The following AKT3 variants were observed in gnomAD, a reference collection of about 807,000 sequenced individuals.
AKT3 encodes the protein AKT serine/threonine kinase 3.
In AKT3, 15 loss-of-function variants were observed where a neutral mutation model predicts 65.3. The observed-to-expected ratio is 0.23, with a 90% CI of 0.15 to 0.35. The LOEUF (loss-of-function observed/expected upper bound fraction) is 0.35, where lower values mean the gene tolerates loss of function less well. AKT3 is among the 10% of genes least tolerant of loss of function. AKT3 has a pLI of 1.00. For missense variants in AKT3, 243 were observed against 576.5 expected (o/e 0.42, Z 5.92); for synonymous variants, 206 against 183.8 (o/e 1.12, Z -0.98).
chr1:243,505,944 A>G (rs947531493), intron 13 of AKT3, among the ~76,000 whole-genome samples: 3 of 152,262 alleles, frequency 2.0e-5, no homozygotes, highest in Non-Finnish European at 4.4e-5. Context: ...AAACAATGGA[A>G]GAGACTTGAA....
chr1:243,612,764 G>GA (rs1677963594), intron 8 of AKT3: 1 of 151,994 alleles, frequency 6.6e-6, no homozygotes, highest in Non-Finnish European at 1.5e-5. Context: ...TGGTAGGCCC[G>GA]GCGTGGTGGC....
chr1:243,782,903 T>C (rs1291817105), intron 2 of AKT3, among the ~76,000 whole-genome samples: 2 of 152,196 alleles, frequency 1.3e-5, no homozygotes, highest in Non-Finnish European at 2.9e-5. Context: ...AGATGGCTTC[T>C]AATGATCCTC....
intron 8 of AKT3, among the ~76,000 whole-genome samples, chr1:243,582,638 T>C (rs1015705793): frequency 1.3e-5 from 2 of 151,988 alleles, no homozygotes; most frequent in African/African-American, 4.8e-5. Context: ...GAAAAATAAA[T>C]GCTACCACAA....
Position 243,567,977 on chromosome 1 carries a change from G to C in AKT3, c.820-4129C>G, listed in dbSNP as rs143862579. 9.1e-4 allele frequency among the ~76,000 whole-genome samples: 138 copies of C among 152,212 alleles called. 2 individuals are homozygous for C. The highest frequency in any genetic ancestry group is 3.3e-3 in the African/African-American group (135 of 41,518). On this transcript the variant is annotated intron_variant, in intron 9 of 13. Transcript: ENST00000673466. Reference sequence around the variant, plus strand: ...GCATATCAATGGCCTAGATATATCAGTAACATCTGGAAATCACTGTCTTGG... The same window carrying C: ...GCATATCAATGGCCTAGATATATCACTAACATCTGGAAATCACTGTCTTGG...
At chr1:243,817,527 G>T (rs1325195221) in intron 2 of AKT3, among the ~76,000 whole-genome samples, 1 of 152,114 alleles carries the variant, frequency 6.6e-6, no homozygotes, top group Non-Finnish European at 1.5e-5. Context: ...AATCACTTGA[G>T]GTCAGGAGTT....
chr1:243,598,111 T>G (rs1310285605), intron 8 of AKT3, among the ~76,000 whole-genome samples: 1 of 152,168 alleles, frequency 6.6e-6, no homozygotes, highest in East Asian at 1.9e-4. Flanking sequence ...CACCATATCT[T>G]TGCATCTTCA....
Position 243,500,210 on chromosome 1 carries a change from TTTC to T in AKT3, c.*5036_*5038del. On this transcript the variant is annotated 3_prime_UTR_variant, in exon 14 of 14. Coordinates refer to ENST00000673466, the MANE Select transcript of AKT3 (RefSeq NM_005465.7). ...CAAACTTTTTTTCCTGCCATTCATT[TTTC>T]TTTTCATGATCTATATATCAATCAT... The T allele has an allele frequency of 3.8e-6, 1 of 261,850 alleles. No individual in the cohort carries two copies. The highest frequency in any genetic ancestry group is 7.4e-6 in the Non-Finnish European group (1 of 134,628). The allele number at this position is 261,850 out of a possible 1,614,324, so 16.2% of individuals were successfully genotyped here.
At chr1:243,517,576 A>G (rs1169189097) in intron 12 of AKT3, among the ~76,000 whole-genome samples, 1 of 152,226 alleles carries the variant, frequency 6.6e-6, no homozygotes, top group Non-Finnish European at 1.5e-5. Context: ...CAGCAATATT[A>G]CTTGCTTTGA....
chr1:243,830,135 T>TA (rs936243286), intron 2 of AKT3, among the ~76,000 whole-genome samples: 4 of 152,218 alleles, frequency 2.6e-5, no homozygotes, highest in African/African-American at 9.7e-5. Flanking sequence ...ACTGAACACT[T>TA]ACAGACTTTT....
At chr1:243,846,464 T>C (rs1034127595) in intron 1 of AKT3, among the ~76,000 whole-genome samples, 3 of 152,168 alleles carry the variant, frequency 2.0e-5, no homozygotes, top group African/African-American at 4.8e-5. Context: ...ATACCTGTAG[T>C]TGGTGATAGA....
chr1:243,682,456 C>T (rs925893540), intron 3 of AKT3, among the ~76,000 whole-genome samples: 6 of 151,944 alleles, frequency 3.9e-5, no homozygotes, highest in African/African-American at 1.5e-4. Context: ...TTATATTCTA[C>T]CAGGAGAAAA....
intron 4 of AKT3, among the ~76,000 whole-genome samples, chr1:243,657,797 C>G (rs915933931): frequency 2.0e-5 from 3 of 152,066 alleles, no homozygotes; most frequent in Non-Finnish European, 4.4e-5. Context: ...GACATATAGA[C>G]TAATGGAACA....
At position 243,693,669 on chromosome 1, in the gene AKT3, C is replaced by T. The variant is rs529086613; in HGVS notation, c.172+1922G>A. Among the ~76,000 whole-genome samples the T allele has an allele frequency of 7.9e-4, 121 of 152,206 alleles. 1 individual carries two copies. Among genetic ancestry groups the T allele is most frequent in the Non-Finnish European group, 1.6e-3 (110 of 67,998 alleles). On this transcript the variant is annotated intron_variant, in intron 3 of 13. Coordinates refer to ENST00000673466, the MANE Select transcript of AKT3 (RefSeq NM_005465.7). ...CTGCCCAAGGTCCTATTACTTGCAG[C>T]TTGCGGCCAGGTTGGAATTTGAACT... is the stretch of plus-strand genomic sequence containing the variant.
At chr1:243,690,701 C>T (rs1438519162) in intron 3 of AKT3, among the ~76,000 whole-genome samples, 2 of 147,472 alleles carry the variant, frequency 1.4e-5, no homozygotes, top group African/African-American at 5.1e-5. Context: ...CAGGTCTCAT[C>T]ACCATAAATC....
chr1:243,623,754 G>A (rs902874164), intron 6 of AKT3, among the ~76,000 whole-genome samples: 3 of 152,126 alleles, frequency 2.0e-5, no homozygotes, highest in Non-Finnish European at 2.9e-5. Context: ...AGCATCCCAA[G>A]GTCTCCAGCT....
At chr1:243,849,685 C>T (rs946085213) in intron 1 of AKT3, among the ~76,000 whole-genome samples, 9 of 151,454 alleles carry the variant, frequency 5.9e-5, no homozygotes, top group Non-Finnish European at 1.3e-4. Flanking sequence ...GAGAGTTGCG[C>T]AGACAGCAGG....
At chr1:243,735,239 T>A (rs573671079) in intron 2 of AKT3, 5 of 152,380 alleles carry the variant, frequency 3.3e-5, no homozygotes, top group African/African-American at 1.2e-4. Flanking sequence ...TATATAATTG[T>A]ATGTGCTACA....
At chr1:243,709,020 A>G (rs2148068195) in intron 2 of AKT3, among the ~76,000 whole-genome samples, 1 of 152,100 alleles carries the variant, frequency 6.6e-6, no homozygotes, top group South Asian at 2.1e-4. Flanking sequence ...AAGTCAATCA[A>G]TGTACACTGG....
At chr1:243,645,496 G>A (rs1215845354) in intron 5 of AKT3, among the ~76,000 whole-genome samples, 3 of 152,186 alleles carry the variant, frequency 2.0e-5, no homozygotes, top group Non-Finnish European at 4.4e-5. Context: ...CACCAATCAG[G>A]AAGTACATCC....
Sources: gnomAD v4.1 joint callset for allele counts (sites outside exome capture counted in the v4.1 genomes callset) on GRCh38, gnomAD v4.1.1 for gene constraint, MANE v1.5 for transcripts, NCBI Gene and HGNC (gene_info 2026-07-23, HGNC 2026-07-21) for gene names.